Variants in EGLN1 observed in about 807,000 individuals in gnomAD.
EGLN1 encodes egl-9 family hypoxia inducible factor 1.
EGLN1 carries 17 observed loss-of-function variants against 38.3 expected under a neutral mutation model. That is an observed-to-expected ratio of 0.44 (90% CI 0.30 to 0.67). The LOEUF is 0.67. Among genes scored for constraint, EGLN1 ranks in the 30% least tolerant of loss-of-function variants. The probability of loss-of-function intolerance (pLI) is 0.08; values close to 1 mark genes in which losing one functional copy is unlikely to be tolerated. For synonymous variants in EGLN1, 283 were observed against 257.5 expected, an observed-to-expected ratio of 1.10 and a Z score of -0.95; for missense variants, 477 against 603.3, an observed-to-expected ratio of 0.79 and a Z score of 2.19.
intron 1 of EGLN1, among the ~76,000 whole-genome samples, chr1:231,409,015 GA>G (rs527849240): frequency 6.6e-6 from 1 of 150,402 alleles, no homozygotes; most frequent in Non-Finnish European, 1.5e-5. Context: ...GATACAAAAA[GA>G]AAAAAAACAA....
intron 1 of EGLN1, among the ~76,000 whole-genome samples, chr1:231,381,256 A>T (rs1045182112): frequency 6.6e-6 from 1 of 152,152 alleles, no homozygotes; most frequent in Non-Finnish European, 1.5e-5. Context: ...GTCATATGAC[A>T]CAACAACAAT....
In EGLN1 at chr1:231,405,137, G is replaced by A. The variant is rs1371788379; in HGVS notation, c.891+15861C>T. Among the ~76,000 whole-genome samples the A allele has an allele frequency of 1.3e-5, 2 of 151,940 alleles. 1 individual carries two copies. Among genetic ancestry groups the A allele is most frequent in the East Asian group, 3.9e-4 (2 of 5,168 alleles). ...TAAGACCAAGTCCTAATCTGAAAAGGCACTGCTGAGAAATAAAACTACTTT... is the reference window on the plus strand; with the variant it reads ...TAAGACCAAGTCCTAATCTGAAAAGACACTGCTGAGAAATAAAACTACTTT... On this transcript the variant is annotated intron_variant, in intron 1 of 4. Coordinates refer to ENST00000366641, the MANE Select transcript of EGLN1 (RefSeq NM_022051.3).
At chr1:231,371,250 C>CT (rs1164091498) in intron 2 of EGLN1, among the ~76,000 whole-genome samples, 27 of 152,286 alleles carry the variant, frequency 1.8e-4, no homozygotes, top group African/African-American at 6.3e-4. Context: ...ATTTAAAAGT[C>CT]TTAAAATGAT....
chr1:231,376,820 T>C (rs539025089), intron 1 of EGLN1, among the ~76,000 whole-genome samples: 2 of 152,250 alleles, frequency 1.3e-5, no homozygotes, highest in East Asian at 3.9e-4. Flanking sequence ...GAGCGGCAAG[T>C]TGGGCAAATC....
chr1:231,381,097 G>A (rs2102904646), intron 1 of EGLN1, among the ~76,000 whole-genome samples: 1 of 152,088 alleles, frequency 6.6e-6, no homozygotes, highest in African/African-American at 2.4e-5. Context: ...TCTAGAGATG[G>A]GCTCTCACTA....
intron 1 of EGLN1, among the ~76,000 whole-genome samples, chr1:231,387,619 A>G (rs1254862128): frequency 6.6e-6 from 1 of 152,086 alleles, no homozygotes; most frequent in African/African-American, 2.4e-5. Context: ...TCGGCCTCCC[A>G]AAGTGCTGGG....
At chr1:231,371,011 T>A (rs555368893) in intron 2 of EGLN1, among the ~76,000 whole-genome samples, 63 of 152,208 alleles carry the variant, frequency 4.1e-4, no homozygotes, top group Non-Finnish European at 8.5e-4. Context: ...TGTCTCAGCA[T>A]CGCGAGTAGC....
Position 231,421,067 on chromosome 1 carries a change from G to C in EGLN1, c.822C>G (p.Ser274Arg). ...PGCETIGLLM[S>R]SMDDLIRHCN... Reference sequence around the variant, plus strand: ...AGTGGCGTATCAGGTCGTCCATGCTGCTCATGAGCAGCCCAATGGTTTCGC... The same window carrying C: ...AGTGGCGTATCAGGTCGTCCATGCTCCTCATGAGCAGCCCAATGGTTTCGC... Residue 274 changes from serine (S) to arginine (R), a missense_variant, in exon 1 of 5, where the codon AGC becomes AGG. This residue lies in a region of EGLN1 where 119 missense variants were observed against 179.0 expected (regional missense o/e 0.66). Coordinates refer to ENST00000366641, the MANE Select transcript of EGLN1 (RefSeq NM_022051.3). The surrounding 1 kb of genome is among the most constrained non-coding windows in gnomAD (Gnocchi z 5.5). 3 of 1,614,146 alleles carry C rather than the reference G, an allele frequency of 1.9e-6. No individual in the cohort carries two copies. The highest frequency in any genetic ancestry group is 2.5e-6 in the Non-Finnish European group (3 of 1,180,026).
chr1:231,404,864 T>C (rs1487067833), intron 1 of EGLN1, among the ~76,000 whole-genome samples: 2 of 152,170 alleles, frequency 1.3e-5, no homozygotes, highest in Non-Finnish European at 2.9e-5. Context: ...GCTGGAGTTA[T>C]TTCATTACCC....
intron 1 of EGLN1, among the ~76,000 whole-genome samples, chr1:231,405,842 TA>T (rs1688775833): frequency 6.6e-6 from 1 of 152,056 alleles, no homozygotes; most frequent in Non-Finnish European, 1.5e-5. Context: ...ACGAACAAAT[TA>T]TTCTTCCATA....
chr1:231,403,354 G>T lies in EGLN1; in HGVS notation c.891+17644C>A, dbSNP rs141646238. Among the ~76,000 whole-genome samples, 377 of 152,236 alleles carry T rather than the reference G, an allele frequency of 2.5e-3. 2 individuals are homozygous for T. Among genetic ancestry groups the T allele is most frequent in the African/African-American group, 8.4e-3 (349 of 41,558 alleles). On this transcript the variant is annotated intron_variant, in intron 1 of 4. Coordinates refer to ENST00000366641, the MANE Select transcript of EGLN1 (RefSeq NM_022051.3). ...AAATTTCCAGCTATAATTGTAATTT[G>T]TTGATTGTGCCTTTCATTTCTATCA...
intron 1 of EGLN1, among the ~76,000 whole-genome samples, chr1:231,402,909 T>TA (rs56720811): frequency 0.55 from 81,047 of 148,440 alleles, 23,300 homozygotes; most frequent in Non-Finnish European, 0.65. Context: ...GTATCTTTAT[T>TA]AAAAAAAAAA....
chr1:231,377,548 T>C (rs1687991219), intron 1 of EGLN1, among the ~76,000 whole-genome samples: 1 of 152,140 alleles, frequency 6.6e-6, no homozygotes, highest in Non-Finnish European at 1.5e-5. Flanking sequence ...TCACTGTACA[T>C]GAAAATGGAA....
At chr1:231,386,408 G>T (rs1325400838) in intron 1 of EGLN1, among the ~76,000 whole-genome samples, 1 of 152,130 alleles carries the variant, frequency 6.6e-6, no homozygotes, top group Non-Finnish European at 1.5e-5. Context: ...TACCACTGCG[G>T]GAGAGTGTGG....
intron 1 of EGLN1, chr1:231,420,120 G>C (rs1656523238): frequency 6.6e-6 from 1 of 152,206 alleles, no homozygotes; most frequent in Admixed American, 6.5e-5. Flanking sequence ...GGTAAGAAGT[G>C]AAGAAATCTG....
At chr1:231,419,904 T>C (rs1419052405) in intron 1 of EGLN1, among the ~76,000 whole-genome samples, 1 of 152,270 alleles carries the variant, frequency 6.6e-6, no homozygotes, top group African/African-American at 2.4e-5. Context: ...AGCGTGTGTG[T>C]ACAAACATGC....
intron 1 of EGLN1, among the ~76,000 whole-genome samples, chr1:231,401,262 G>A (rs1688655909): frequency 6.6e-6 from 1 of 152,084 alleles, no homozygotes; most frequent in African/African-American, 2.4e-5. Context: ...ATCTCTCTGT[G>A]CCTCAGTTAC....
chr1:231,400,205 G>A (rs1362377602), intron 1 of EGLN1, among the ~76,000 whole-genome samples: 2 of 152,006 alleles, frequency 1.3e-5, no homozygotes, highest in African/African-American at 4.8e-5. Context: ...CTTTAACAAT[G>A]GAGAGTATGC....
chr1:231,384,445 G>A (rs1688146310), intron 1 of EGLN1, among the ~76,000 whole-genome samples: 1 of 151,368 alleles, frequency 6.6e-6, no homozygotes, highest in Non-Finnish European at 1.5e-5. Context: ...ATGCTAGAAT[G>A]TAATTATTTA....
Sources: allele counts gnomAD v4.1 joint callset (sites outside exome capture counted in the v4.1 genomes callset), GRCh38; gene constraint gnomAD v4.1.1; regional missense constraint gnomAD v4.1.1; non-coding constraint Gnocchi (gnomAD v3.1); transcripts MANE v1.5; gene names NCBI Gene and HGNC (gene_info 2026-07-23, HGNC 2026-07-21).